MLLT3: variants seen among roughly 807,000 people sequenced by gnomAD.
The protein encoded by MLLT3 is MLLT3 super elongation complex subunit, also known as protein AF-9.
MLLT3 carries 4 observed loss-of-function variants against 53.2 expected under a neutral mutation model. The ratio of observed to expected loss-of-function variants is 0.08; its 90% CI spans 0.04 to 0.17. The LOEUF is 0.17. Ranked by LOEUF, MLLT3 falls within the 10% of genes least tolerant of loss-of-function variation. The pLI, the probability that MLLT3 is intolerant of heterozygous loss-of-function variation, is 1.00. For synonymous variants in MLLT3, 283 were observed against 230.6 expected, an observed-to-expected ratio of 1.23 and a Z score of -2.06; for missense variants, 569 against 684.0, an observed-to-expected ratio of 0.83 and a Z score of 1.87.
intron 2 of MLLT3, among the ~76,000 whole-genome samples, chr9:20,530,250 G>A (rs542069341): frequency 9.9e-5 from 15 of 152,220 alleles, no homozygotes; most frequent in African/African-American, 3.4e-4. Context: ...GTCATACAAC[G>A]GTTGGATTTT....
At chr9:20,347,035 A>G (rs888505018) in intron 10 of MLLT3, among the ~76,000 whole-genome samples, 3 of 149,114 alleles carry the variant, frequency 2.0e-5, no homozygotes, top group Admixed American at 1.4e-4. Flanking sequence ...TTCCTTTATC[A>G]TTATATAATT....
At chr9:20,357,552 A>C (rs1177213386) in intron 8 of MLLT3, among the ~76,000 whole-genome samples, 3 of 152,230 alleles carry the variant, frequency 2.0e-5, no homozygotes, top group Non-Finnish European at 2.9e-5. Context: ...TCACTTTATG[A>C]AGAATGACAA....
intron 2 of MLLT3, among the ~76,000 whole-genome samples, chr9:20,522,831 C>T (rs925332366): frequency 2.6e-5 from 4 of 152,146 alleles, no homozygotes; most frequent in South Asian, 2.1e-4. Flanking sequence ...TGTGGTGGTG[C>T]GTGCCTGTAG....
intron 2 of MLLT3, among the ~76,000 whole-genome samples, chr9:20,495,448 G>A (rs141519473): frequency 2.6e-5 from 4 of 152,240 alleles, no homozygotes; most frequent in East Asian, 3.9e-4. Flanking sequence ...CTGCTTGCAC[G>A]TTCTAAGTTG....
At chr9:20,574,993 A>C (rs750462982) in intron 2 of MLLT3, among the ~76,000 whole-genome samples, 1 of 152,200 alleles carries the variant, frequency 6.6e-6, no homozygotes, top group Non-Finnish European at 1.5e-5. Context: ...CATCTCAAGA[A>C]ATCACTTGCT....
At chr9:20,546,240 TAAC>T (rs966613602) in intron 2 of MLLT3, among the ~76,000 whole-genome samples, 1 of 149,816 alleles carries the variant, frequency 6.7e-6, no homozygotes, top group African/African-American at 2.5e-5. Flanking sequence ...GATACAAATA[TAAC>T]ACAATCTACA....
chr9:20,485,748 G>A (rs543792177), intron 2 of MLLT3, among the ~76,000 whole-genome samples: 7 of 11,530 alleles, frequency 6.1e-4, no homozygotes, highest in Admixed American at 1.9e-3. Flanking sequence ...ATACACACGT[G>A]TGTGTGTGTG....
intron 2 of MLLT3, among the ~76,000 whole-genome samples, chr9:20,540,695 G>A (rs1327185201): frequency 1.3e-5 from 2 of 152,366 alleles, no homozygotes; most frequent in East Asian, 1.9e-4. Flanking sequence ...CCAGGCCAGT[G>A]ATGGGAGGGG....
intron 5 of MLLT3, among the ~76,000 whole-genome samples, chr9:20,386,062 A>G (rs1423501887): frequency 2.0e-5 from 3 of 152,150 alleles, no homozygotes; most frequent in African/African-American, 7.2e-5. Flanking sequence ...CCCATTTCCA[A>G]TGGGCACTGC....
At chr9:20,559,641 C>G (rs1402316783) in intron 2 of MLLT3, among the ~76,000 whole-genome samples, 2 of 152,196 alleles carry the variant, frequency 1.3e-5, no homozygotes, top group African/African-American at 4.8e-5. Flanking sequence ...CACTTCACCC[C>G]TTTGAAATGC....
chr9:20,543,302 T>G (rs1327351833), intron 2 of MLLT3, among the ~76,000 whole-genome samples: 1 of 152,226 alleles, frequency 6.6e-6, no homozygotes, highest in Non-Finnish European at 1.5e-5. Flanking sequence ...GCTTTTGACA[T>G]GCTTTCCTCA....
chr9:20,446,235 C>T (rs557884571), intron 4 of MLLT3, among the ~76,000 whole-genome samples: 3 of 152,140 alleles, frequency 2.0e-5, no homozygotes, highest in Non-Finnish European at 4.4e-5. Flanking sequence ...GTTCACATTT[C>T]AACTTATTAT....
At chr9:20,425,314 C>T (rs1335198043) in intron 4 of MLLT3, among the ~76,000 whole-genome samples, 1 of 151,996 alleles carries the variant, frequency 6.6e-6, no homozygotes, top group East Asian at 1.9e-4. Context: ...TGGACATTCA[C>T]CTTAGAATTT....
At chr9:20,615,360 GAAAAAAAA>G (rs10601830) in intron 2 of MLLT3, among the ~76,000 whole-genome samples, 12 of 48,764 alleles carry the variant, frequency 2.5e-4, no homozygotes, top group Non-Finnish European at 4.1e-4. Context: ...CAGACCATGT[GAAAAAAAA>G]AAAAAAAAAA....
chr9:20,587,920 C>G (rs1820018453), intron 2 of MLLT3, among the ~76,000 whole-genome samples: 1 of 151,926 alleles, frequency 6.6e-6, no homozygotes, highest in Non-Finnish European at 1.5e-5. Flanking sequence ...CTTGCCCATG[C>G]CTATGTCCTG....
rs191119656 is a variant in MLLT3, at chr9:20,553,466, A to C, written c.193+67188T>G. 3.3e-4 allele frequency among the ~76,000 whole-genome samples: 50 copies of C among 152,310 alleles called. No homozygotes were observed. The East Asian group carries it at 3.9e-3, about 12-fold the overall frequency. ...AAAAAAATCCCTCCACTCATGGAGA[A>C]ATCTGACCTCAATTCCATCTGACCT... On this transcript the variant is annotated intron_variant, in intron 2 of 10. Coordinates refer to ENST00000380338, the MANE Select transcript of MLLT3 (RefSeq NM_004529.4).
intron 2 of MLLT3, among the ~76,000 whole-genome samples, chr9:20,532,095 G>A (rs889885888): frequency 1.3e-5 from 2 of 151,918 alleles, no homozygotes; most frequent in Non-Finnish European, 1.5e-5. Flanking sequence ...ATTTGTTAAC[G>A]GCCCCTAAAT....
intron 2 of MLLT3, among the ~76,000 whole-genome samples, chr9:20,565,932 A>G (rs1819347058): frequency 7.8e-5 from 1 of 12,754 alleles, no homozygotes; most frequent in South Asian, 2.3e-3. Flanking sequence ...TTATATATAT[A>G]TATATTTATA....
At chr9:20,409,477 T>G (rs578097687) in intron 5 of MLLT3, among the ~76,000 whole-genome samples, 1 of 152,294 alleles carries the variant, frequency 6.6e-6, no homozygotes, top group East Asian at 1.9e-4. Context: ...AACCTTTAGT[T>G]GACACTGATA....
Sources: allele counts gnomAD v4.1 joint callset (sites outside exome capture counted in the v4.1 genomes callset), GRCh38; gene constraint gnomAD v4.1.1; transcripts MANE v1.5; gene names NCBI Gene and HGNC (gene_info 2026-07-23, HGNC 2026-07-21).